ROBO2: variants seen among roughly 807,000 people sequenced by gnomAD.
ROBO2 encodes the protein roundabout homolog 2.
In ROBO2, 53 loss-of-function variants were observed where a neutral mutation model predicts 160.8. The observed-to-expected ratio is 0.33, with a 90% CI of 0.26 to 0.41. ROBO2 has a LOEUF of 0.41. Among genes scored for constraint, ROBO2 ranks in the 10% least tolerant of loss-of-function variants. The probability of loss-of-function intolerance (pLI) is 1.00; values close to 1 mark genes in which losing one functional copy is unlikely to be tolerated. For missense variants in ROBO2, 1,577 were observed against 1,722.4 expected (o/e 0.92, Z 1.49); for synonymous variants, 664 against 611.7 (o/e 1.09, Z -1.26).
intron 2 of ROBO2, among the ~76,000 whole-genome samples, chr3:76,111,789 A>G (rs891490793): frequency 2.6e-5 from 4 of 151,988 alleles, no homozygotes; most frequent in Non-Finnish European, 4.4e-5. Context: ...ATAAAGCTGC[A>G]TGAGGGCAGC....
chr3:76,928,167 G>C (rs1211620337), intron 2 of ROBO2, among the ~76,000 whole-genome samples: 2 of 152,202 alleles, frequency 1.3e-5, no homozygotes, highest in South Asian at 2.1e-4. Context: ...AATGGAAAAA[G>C]ACTGGTCAGA....
chr3:76,391,022 G>T (rs1484432817), intron 2 of ROBO2, among the ~76,000 whole-genome samples: 1 of 152,020 alleles, frequency 6.6e-6, no homozygotes, highest in East Asian at 1.9e-4. Context: ...ATTAAATTCA[G>T]TTAGATAATC....
chr3:76,014,885 G>A (rs1032816866), intron 2 of ROBO2, among the ~76,000 whole-genome samples: 1 of 152,150 alleles, frequency 6.6e-6, no homozygotes, highest in Non-Finnish European at 1.5e-5. Flanking sequence ...CTGTGATCGC[G>A]CTACTGCACT....
chr3:76,655,340 G>A (rs1174466004), intron 2 of ROBO2, among the ~76,000 whole-genome samples: 5 of 144,882 alleles, frequency 3.5e-5, no homozygotes, highest in Non-Finnish European at 7.6e-5. Flanking sequence ...TGAAAAATAA[G>A]AACCTGTAAA....
chr3:76,381,679 C>T (rs2076631525), intron 2 of ROBO2, among the ~76,000 whole-genome samples: 1 of 152,160 alleles, frequency 6.6e-6, no homozygotes, highest in African/African-American at 2.4e-5. Flanking sequence ...TGTAGACTAT[C>T]ATTGCATGCT....
chr3:76,540,757 T>G (rs1476309588), intron 2 of ROBO2, among the ~76,000 whole-genome samples: 3 of 152,018 alleles, frequency 2.0e-5, no homozygotes, highest in Non-Finnish European at 4.4e-5. Flanking sequence ...AAAAGAAAAG[T>G]TTGTTATTTT....
chr3:76,141,068 T>TATATATATATATATATATAA (rs1290955194), intron 2 of ROBO2, among the ~76,000 whole-genome samples: 52 of 116,932 alleles, frequency 4.4e-4, no homozygotes, highest in African/African-American at 1.6e-3. Flanking sequence ...TACATATATA[T>TATATATATATATATATATAA]ATATATATAA....
intron 2 of ROBO2, among the ~76,000 whole-genome samples, chr3:76,909,224 G>C (rs2075813068): frequency 6.6e-6 from 1 of 152,092 alleles, no homozygotes; most frequent in Non-Finnish European, 1.5e-5. Context: ...TACTTTGACT[G>C]AAAAACTTTT....
intron 24 of ROBO2, among the ~76,000 whole-genome samples, chr3:77,636,535 T>C (rs562359479): frequency 3.3e-5 from 5 of 151,764 alleles, no homozygotes; most frequent in Admixed American, 6.6e-5. Context: ...GAGGTTGCGG[T>C]GAGCTGAGAT....
At chr3:77,577,392 A>C (rs547140622) in intron 14 of ROBO2, 98 bp from the exon 16 acceptor site, 1 of 1,505,660 alleles carries the variant, frequency 6.6e-7, no homozygotes, top group Admixed American at 1.7e-5. Context: ...TGGAAGCCAG[A>C]GTCTCCTGCA....
chr3:77,585,889 T>A (rs1486846638), intron 16 of ROBO2, among the ~76,000 whole-genome samples: 1 of 152,110 alleles, frequency 6.6e-6, no homozygotes, highest in African/African-American at 2.4e-5. Flanking sequence ...AAACGGCACT[T>A]GAAGTGACTC....
chr3:76,964,954 A>C (rs1384382218), intron 2 of ROBO2, among the ~76,000 whole-genome samples: 1 of 152,220 alleles, frequency 6.6e-6, no homozygotes, highest in Non-Finnish European at 1.5e-5. Context: ...GTTGTAAGTA[A>C]CAAGTATGAG....
intron 2 of ROBO2, among the ~76,000 whole-genome samples, chr3:76,842,278 G>A (rs763235913): frequency 2.6e-5 from 4 of 152,192 alleles, no homozygotes; most frequent in Admixed American, 6.5e-5. Flanking sequence ...ATTCATGACT[G>A]CAGTCAGGGT....
chr3:77,423,994 G>A (rs1017298099), intron 2 of ROBO2, among the ~76,000 whole-genome samples: 2 of 152,172 alleles, frequency 1.3e-5, no homozygotes, highest in Admixed American at 6.5e-5. Flanking sequence ...AAAAATCTTG[G>A]AGAGTTTCTA....
chr3:77,294,874 A>G (rs1336230935), intron 2 of ROBO2, among the ~76,000 whole-genome samples: 2 of 151,344 alleles, frequency 1.3e-5, no homozygotes, highest in Non-Finnish European at 2.9e-5. Context: ...GTAAAGACAT[A>G]AAGTAAAATT....
At chr3:76,294,614 C>T (rs906279289) in intron 2 of ROBO2, among the ~76,000 whole-genome samples, 4 of 152,090 alleles carry the variant, frequency 2.6e-5, no homozygotes, top group Admixed American at 6.5e-5. Flanking sequence ...TGAAATGTGA[C>T]GGTAGAATGC....
chr3:77,631,441 A>G (rs1482216697), intron 23 of ROBO2: 1 of 152,198 alleles, frequency 6.6e-6, no homozygotes, highest in Non-Finnish European at 1.5e-5. Context: ...TGGTTTATTT[A>G]GAAATCTTAA....
intron 2 of ROBO2, among the ~76,000 whole-genome samples, chr3:76,502,391 A>G (rs564426033): frequency 6.6e-6 from 1 of 152,304 alleles, no homozygotes; most frequent in African/African-American, 2.4e-5. Context: ...TCTTTGCTCT[A>G]AAGTATAAAT....
At chr3:76,456,783 T>C (rs899053824) in intron 2 of ROBO2, among the ~76,000 whole-genome samples, 4 of 152,170 alleles carry the variant, frequency 2.6e-5, no homozygotes, top group African/African-American at 9.7e-5. Context: ...GACTTACAGT[T>C]CCACATGGCT....
Sources: allele counts gnomAD v4.1 joint callset (sites outside exome capture counted in the v4.1 genomes callset), GRCh38; gene constraint gnomAD v4.1.1; transcripts MANE v1.5; gene names NCBI Gene and HGNC (gene_info 2026-07-23, HGNC 2026-07-21).